Variants in TEX11 observed in about 807,000 individuals in gnomAD.
TEX11 encodes testis expressed 11.
A neutral mutation model predicts 84.4 loss-of-function variants in TEX11; 7 were observed. The observed-to-expected ratio is 0.08, with a 90% CI of 0.05 to 0.16. The LOEUF (loss-of-function observed/expected upper bound fraction) is 0.16, where lower values mean the gene tolerates loss of function less well. TEX11 is among the 10% of genes least tolerant of loss of function. The probability of loss-of-function intolerance (pLI) is 1.00; values close to 1 mark genes in which losing one functional copy is unlikely to be tolerated. For synonymous variants in TEX11, 264 were observed against 222.8 expected (o/e 1.18, Z -1.64); for missense variants, 551 against 660.5 (o/e 0.83, Z 1.82).
chrX:70,631,579 T>G (rs1261202006), intron 17 of TEX11, among the ~76,000 whole-genome samples: 1 of 98,433 alleles, frequency 1.0e-5, no homozygotes, highest in Non-Finnish European at 2.0e-5. Flanking sequence ...TTGTGGTAAT[T>G]TATTGGCAGC....
chrX:70,775,762 T>C (rs1341619047), intron 9 of TEX11, among the ~76,000 whole-genome samples: 2 of 89,336 alleles, frequency 2.2e-5, no homozygotes, highest in African/African-American at 8.9e-5. Context: ...ATCACGCCAC[T>C]GCACTGCAAC....
At chrX:70,736,737 C>A in intron 11 of TEX11, among the ~76,000 whole-genome samples, 2 of 111,419 alleles carry the variant, frequency 1.8e-5, no homozygotes, top group Middle Eastern at 9.1e-3. Flanking sequence ...TAAAAAGTTT[C>A]TCTGCAGGGC....
At chrX:70,791,675 C>A (rs746719688) in intron 9 of TEX11, among the ~76,000 whole-genome samples, 18 of 112,063 alleles carry the variant, frequency 1.6e-4, no homozygotes, top group South Asian at 7.3e-4. Flanking sequence ...GACCACAGTG[C>A]AATAAAAATA....
At chrX:70,570,414 T>C (rs1048424528) in intron 25 of TEX11, among the ~76,000 whole-genome samples, 5 of 112,053 alleles carry the variant, frequency 4.5e-5, no homozygotes, top group African/African-American at 1.6e-4. Context: ...CTGCACCCAC[T>C]GTCCTGCGCC....
intron 13 of TEX11, among the ~76,000 whole-genome samples, chrX:70,683,805 T>G (rs912475023): frequency 1.2e-4 from 14 of 112,025 alleles, no homozygotes; most frequent in African/African-American, 4.5e-4. Flanking sequence ...AATGAAAATG[T>G]GTGGAACTGG....
chrX:70,605,786 G>A (rs1210831711), intron 23 of TEX11, among the ~76,000 whole-genome samples: 2 of 111,313 alleles, frequency 1.8e-5, no homozygotes, highest in Admixed American at 9.5e-5. Context: ...AGTATCATTC[G>A]CCCTTGTATT....
chrX:70,851,047 T>C (rs183642330), intron 7 of TEX11, among the ~76,000 whole-genome samples: 3 of 112,369 alleles, frequency 2.7e-5, no homozygotes, highest in Non-Finnish European at 5.6e-5. Flanking sequence ...TTCAATGCTA[T>C]CCCTATCAAA....
At chrX:70,795,449 C>T (rs1324811251) in intron 9 of TEX11, among the ~76,000 whole-genome samples, 1 of 110,640 alleles carries the variant, frequency 9.0e-6, no homozygotes, top group Non-Finnish European at 1.9e-5. Flanking sequence ...CAAGCTTCAT[C>T]GCCTCACCTG....
At chrX:70,796,822 A>T (rs2091158155) in intron 9 of TEX11, among the ~76,000 whole-genome samples, 2 of 112,423 alleles carry the variant, frequency 1.8e-5, no homozygotes, top group African/African-American at 6.5e-5. Flanking sequence ...GACAATTCTC[A>T]AAAGAAGACA....
At chrX:70,803,192 G>A (rs73544780) in intron 9 of TEX11, among the ~76,000 whole-genome samples, 3,756 of 111,746 alleles carry the variant, frequency 0.034, 158 homozygotes, top group African/African-American at 0.11. Flanking sequence ...CCTTGCATTC[G>A]GATTTCAAAA....
chrX:70,519,247 G>C, the TEX11 span, among the ~76,000 whole-genome samples: 2 of 111,941 alleles, frequency 1.8e-5, no homozygotes, highest in Non-Finnish European at 3.8e-5. Context: ...GCAGTGGCTG[G>C]TACGGGTTGT....
chrX:70,592,916 T>C (rs1039998751), intron 24 of TEX11, among the ~76,000 whole-genome samples: 1 of 110,905 alleles, frequency 9.0e-6, no homozygotes, highest in Non-Finnish European at 1.9e-5. Context: ...CTCAATGATA[T>C]TAAGAAGAAA....
At chrX:70,557,702 C>T (rs961247011) in intron 25 of TEX11, among the ~76,000 whole-genome samples, 1 of 111,650 alleles carries the variant, frequency 9.0e-6, no homozygotes, top group African/African-American at 3.3e-5. Context: ...AACACAATCC[C>T]TATCAGCATC....
chrX:70,556,240 T>A (rs1021038757), intron 25 of TEX11, among the ~76,000 whole-genome samples: 1 of 110,972 alleles, frequency 9.0e-6, no homozygotes, highest in Non-Finnish European at 1.9e-5. Flanking sequence ...TTTTTTCTAA[T>A]AGGAGCATTT....
intron 20 of TEX11, among the ~76,000 whole-genome samples, chrX:70,613,832 G>T (rs1166882232): frequency 9.0e-6 from 1 of 111,349 alleles, no homozygotes; most frequent in East Asian, 2.8e-4. Flanking sequence ...ACTTTGTCTT[G>T]CATCTTGGAT....
intron 13 of TEX11, among the ~76,000 whole-genome samples, chrX:70,706,009 A>C (rs1430706359): frequency 1.8e-5 from 2 of 111,096 alleles, no homozygotes; most frequent in Non-Finnish European, 3.8e-5. Context: ...ACATGCACAC[A>C]TATGTTTATT....
At chrX:70,641,387 G>T (rs1197918072) in intron 17 of TEX11, among the ~76,000 whole-genome samples, 1 of 110,402 alleles carries the variant, frequency 9.1e-6, no homozygotes, top group African/African-American at 3.3e-5. Context: ...AGGATACCCA[G>T]GAATTGAACT....
At chrX:70,567,038 C>T (rs1172320611) in intron 25 of TEX11, among the ~76,000 whole-genome samples, 4 of 111,338 alleles carry the variant, frequency 3.6e-5, no homozygotes, top group African/African-American at 1.3e-4. Context: ...TGGTCCTGGG[C>T]TCTTTTTGGT....
At chrX:70,643,398 T>C (rs1230446498) in intron 17 of TEX11, among the ~76,000 whole-genome samples, 1 of 88,683 alleles carries the variant, frequency 1.1e-5, no homozygotes, top group Non-Finnish European at 2.2e-5. Context: ...AATGACTTTC[T>C]TCACAGAATT....
Sources: gnomAD v4.1 joint callset for allele counts (sites outside exome capture counted in the v4.1 genomes callset) on GRCh38, gnomAD v4.1.1 for gene constraint, MANE v1.5 for transcripts, NCBI Gene and HGNC (gene_info 2026-07-23, HGNC 2026-07-21) for gene names.